TRIOBP: variants seen among roughly 807,000 people sequenced by gnomAD.
TRIOBP encodes the protein TRIO and F-actin-binding protein.
TRIOBP carries 169 observed loss-of-function variants against 238.8 expected under a neutral mutation model. That is an observed-to-expected ratio of 0.71 (90% confidence interval 0.62 to 0.80). The LOEUF (loss-of-function observed/expected upper bound fraction) is 0.80, where lower values mean the gene tolerates loss of function less well. Ranked by LOEUF, TRIOBP falls within the 30% of genes least tolerant of loss-of-function variation. The pLI, the probability that TRIOBP is intolerant of heterozygous loss-of-function variation, is 0.00. For missense variants in TRIOBP, 2,838 were observed against 3,122.6 expected, an observed-to-expected ratio of 0.91 and a Z score of 2.17; for synonymous variants, 1,150 against 1,274.4, an observed-to-expected ratio of 0.90 and a Z score of 2.08.
At chr22:37,709,683 G>T (rs1282743387) in intron 3 of TRIOBP, among the ~76,000 whole-genome samples, 1 of 152,182 alleles carries the variant, frequency 6.6e-6, no homozygotes, top group Non-Finnish European at 1.5e-5. Flanking sequence ...GAGGAATTGG[G>T]GGGGGCCCTG....
intron 7 of TRIOBP, among the ~76,000 whole-genome samples, chr22:37,727,440 G>A (rs527552761): frequency 2.6e-5 from 4 of 151,828 alleles, no homozygotes; most frequent in South Asian, 2.1e-4. Context: ...AGGCCGAGGC[G>A]GGCGGATCAC....
intron 11 of TRIOBP, chr22:37,746,098 CG>C: frequency 1.3e-6 from 1 of 785,858 alleles, no homozygotes; most frequent in Non-Finnish European, 1.6e-6. Flanking sequence ...CGTCCCGTTG[CG>C]GCAGGTCCCG....
chr22:37,761,473 CAAAA>C (rs1026616036), intron 17 of TRIOBP, among the ~76,000 whole-genome samples: 13 of 151,946 alleles, frequency 8.6e-5, no homozygotes, highest in South Asian at 2.1e-4. Flanking sequence ...ACAAAACAAA[CAAAA>C]AAAGAGAAGC....
At position 37,751,597 on chromosome 22, in the gene TRIOBP, G is replaced by A; in HGVS notation, c.5323-175G>A. 3 of 678,354 alleles carry A rather than the reference G, an allele frequency of 4.4e-6. No individual in the cohort carries two copies. In the Admixed American group the frequency reaches 6.5e-5, roughly 15 times the overall value. 42.0% of individuals were successfully genotyped at this position (678,354 alleles called of 1,614,324 possible). A position where few individuals can be genotyped will look rare whatever the true frequency, so the allele number is the denominator to read the frequency against. On this transcript the variant is annotated intron_variant, in intron 11 of 23. Coordinates refer to ENST00000644935, the MANE Select transcript of TRIOBP (RefSeq NM_001039141.3). ...GAAAGGGGCCAGGGCTGCCTCAGTGGCTGGGAGGCCTGCTTGGACTTGGGG... is the reference window on the plus strand; with the variant it reads ...GAAAGGGGCCAGGGCTGCCTCAGTGACTGGGAGGCCTGCTTGGACTTGGGG...
intron 2 of TRIOBP, among the ~76,000 whole-genome samples, 176 bp downstream of exon 2, chr22:37,697,872 G>T (rs189443146): frequency 6.6e-6 from 1 of 152,196 alleles, no homozygotes; most frequent in African/African-American, 2.4e-5. Flanking sequence ...GGTGGCCTTA[G>T]GGGCACCCAG....
intron 16 of TRIOBP, among the ~76,000 whole-genome samples, chr22:37,758,548 T>C (rs1194780882): frequency 1.3e-5 from 2 of 152,058 alleles, no homozygotes; most frequent in Admixed American, 6.6e-5. Context: ...TGCTGGTGCA[T>C]ACCTGGAGCC....
intron 17 of TRIOBP, 51 bp from the exon 18 acceptor site, chr22:37,765,619 G>A (rs376258158): frequency 2.5e-5 from 38 of 1,546,790 alleles, no homozygotes; most frequent in East Asian, 9.8e-5. Flanking sequence ...GGGAAGGGCC[G>A]CTGTCCAGAG....
chr22:37,723,112 G>A, intron 6 of TRIOBP, 73 bp from the exon 7 acceptor site: 1 of 1,529,232 alleles, frequency 6.5e-7, no homozygotes, highest in East Asian at 2.3e-5. Flanking sequence ...GGTCCTAAGG[G>A]ACAAAGAAAG....
At position 37,769,112 on chromosome 22, in the gene TRIOBP, G is replaced by T; in HGVS notation, c.6660G>T (p.Met2220Ile). Residue 2220 changes from methionine to isoleucine, a missense_variant, in exon 20 of 24, where the codon ATG (methionine) becomes ATT (isoleucine). By Grantham distance (10) the Met-to-Ile change is conservative. Coordinates refer to ENST00000644935, the MANE Select transcript of TRIOBP (RefSeq NM_001039141.3). ...AGTGCCTGGAGATTGGGGCACTCAT[G>T]CGGCAGGCTGAGGAGCGCGAGCACA... Reference protein sequence around the residue: ...SQKCLEIGALMRQAEEREHTL... With the variant: ...SQKCLEIGALIRQAEEREHTL... The T allele has an allele frequency of 5.0e-6, 8 of 1,613,402 alleles. No homozygotes were observed. The highest frequency in any genetic ancestry group is 1.3e-5 in the African/African-American group (1 of 75,062).
chr22:37,740,724 T>C (rs1924892468), intron 10 of TRIOBP, among the ~76,000 whole-genome samples, 171 bp from the exon 11 acceptor site: 1 of 152,128 alleles, frequency 6.6e-6, no homozygotes, highest in Non-Finnish European at 1.5e-5. Context: ...CAACACGATG[T>C]AGTGTGAACA....
At position 37,743,801 on chromosome 22, in the gene TRIOBP, A is replaced by AGTG. The variant is rs1925058851; in HGVS notation, c.5322+2769_5322+2770insGTG. ...GGGGAAGGGGAGAAAGAGAGAGAGAATGTGTGTGTGTGTGTGTGTGTGTGT... is the reference window on the plus strand; with the variant it reads ...GGGGAAGGGGAGAAAGAGAGAGAGAAGTGTGTGTGTGTGTGTGTGTGTGTGTGT... On this transcript the variant is annotated intron_variant, in intron 11 of 23. Coordinates refer to ENST00000644935, the MANE Select transcript of TRIOBP (RefSeq NM_001039141.3). 3.5e-5 allele frequency among the ~76,000 whole-genome samples: 4 copies of AGTG among 114,180 alleles called. No homozygotes were observed. In the East Asian group the frequency reaches 7.8e-4, roughly 22 times the overall value. The allele number at this position is 114,180 out of a possible 152,430, so 74.9% of individuals were successfully genotyped here.
rs768637026 is a variant in TRIOBP at position 37,725,781 on chromosome 22, G to A, written c.3225G>A (p.Ser1075=). The change falls in exon 7 of 24, where the codon TCG becomes TCA. Residue 1075 remains serine, a synonymous_variant. Transcript: ENST00000644935. ...ACCGAGATGCCCCCCGGGCGTCCTCGCCCCCCCGCCACACCCAATTTGACC... is the reference window on the plus strand; with the variant it reads ...ACCGAGATGCCCCCCGGGCGTCCTCACCCCCCCGCCACACCCAATTTGACC... ...IGHRDAPRAS[S]PPRHTQFDPF... is the part of the protein sequence containing the mutation. 2.9e-4 allele frequency: 405 copies of A among 1,388,582 alleles called. 2 individuals are homozygous for A. In the East Asian group the frequency reaches 3.2e-3, roughly 11 times the overall value. 86.0% of individuals were successfully genotyped at this position (1,388,582 alleles called of 1,614,324 possible).
rs778728146 is a variant in TRIOBP at position 37,735,120 on chromosome 22, G to A, written c.4784G>A (p.Arg1595His). 1.6e-5 allele frequency: 25 copies of A among 1,608,794 alleles called. No homozygotes were observed. Among genetic ancestry groups the A allele is most frequent in the African/African-American group, 5.3e-5 (4 of 74,818 alleles). The change falls in exon 9 of 24, where the codon CGC (arginine) becomes CAC (histidine). Residue 1595 changes from arginine to histidine, a missense_variant. Coordinates refer to ENST00000644935, the MANE Select transcript of TRIOBP (RefSeq NM_001039141.3). ...LLELLQARLP[R>H]KDPAGHRDDL... is the part of the protein sequence containing the mutation. The stretch of plus-strand genomic sequence containing the variant: ...GAGCTCCTGCAGGCCAGGCTGCCCC[G>A]CAAGGACCCAGCTGGACACAGGGAT...
At chr22:37,740,074 A>G (rs1924862820) in intron 10 of TRIOBP, among the ~76,000 whole-genome samples, 2 of 152,200 alleles carry the variant, frequency 1.3e-5, no homozygotes, top group South Asian at 4.1e-4. Flanking sequence ...AGATGGTTGC[A>G]TGCCTGTGGT....
In TRIOBP at chr22:37,758,083, G is replaced by A; in HGVS notation, c.6158G>A (p.Ser2053Asn). 1 of 1,611,324 alleles carries A rather than the reference G, an allele frequency of 6.2e-7. No homozygotes were observed. The highest frequency in any genetic ancestry group is 8.5e-7 in the Non-Finnish European group (1 of 1,179,876). The stretch of plus-strand genomic sequence containing the variant: ...CCCCTCACTGCCCTGCTCAACCAAA[G>A]CCGCGGAGAGCGCCGAGGGCCCCCA... ...RVPLTALLNQ[S>N]RGERRGPPSD... The change falls in exon 16 of 24, where the codon AGC becomes AAC. Residue 2053 changes from serine (S) to asparagine (N), a missense_variant. This residue lies in a region of TRIOBP where 2,096 missense variants were observed against 2,137.4 expected (regional missense o/e 0.98). Coordinates refer to ENST00000644935, the MANE Select transcript of TRIOBP (RefSeq NM_001039141.3).
chr22:37,725,685 G>T lies in TRIOBP; in HGVS notation c.3129G>T (p.Glu1043Asp). Residue 1043 changes from glutamate (E) to aspartate (D), a missense_variant, in exon 7 of 24, where the codon GAG becomes GAT. This residue lies in a region of TRIOBP where 2,096 missense variants were observed against 2,137.4 expected (regional missense o/e 0.98). Transcript: ENST00000644935. ...ACGACCCCTTCCCCTTCTTCCCAGAGCCCCGCGCCCCTGAGAGTGAACCGC... is the reference window on the plus strand; with the variant it reads ...ACGACCCCTTCCCCTTCTTCCCAGATCCCCGCGCCCCTGAGAGTGAACCGC... Reference protein sequence around the residue: ...LQHDPFPFFPEPRAPESEPPH... With the variant: ...LQHDPFPFFPDPRAPESEPPH... The T allele has an allele frequency of 6.2e-7, 1 of 1,607,520 alleles. No homozygotes were observed. Among genetic ancestry groups the T allele is most frequent in the Non-Finnish European group, 8.5e-7 (1 of 1,178,046 alleles).
chr22:37,717,059 G>A (rs921008344), intron 6 of TRIOBP, among the ~76,000 whole-genome samples: 1 of 152,200 alleles, frequency 6.6e-6, no homozygotes, highest in African/African-American at 2.4e-5. Flanking sequence ...AAGGCGGCGT[G>A]TCTGGAGTTT....
intron 7 of TRIOBP, among the ~76,000 whole-genome samples, chr22:37,727,973 T>A (rs1924256100): frequency 6.6e-6 from 1 of 152,204 alleles, no homozygotes; most frequent in African/African-American, 2.4e-5. Context: ...ACTTTCCATG[T>A]ATATAATTCA....
At chr22:37,769,970 C>A (rs1031024846) in intron 21 of TRIOBP, among the ~76,000 whole-genome samples, 2 of 151,726 alleles carry the variant, frequency 1.3e-5, no homozygotes, top group Non-Finnish European at 2.9e-5. Context: ...CTCAAGTGAT[C>A]TGCCTACCTT....
Sources: allele counts gnomAD v4.1 joint callset (sites outside exome capture counted in the v4.1 genomes callset), GRCh38; gene constraint gnomAD v4.1.1; regional missense constraint gnomAD v4.1.1; transcripts MANE v1.5; gene names NCBI Gene and HGNC (gene_info 2026-07-23, HGNC 2026-07-21).